XPO4: variants seen among roughly 807,000 people sequenced by gnomAD.
XPO4 encodes exportin 4, also known as exportin-4.
A neutral mutation model predicts 143.0 loss-of-function variants in XPO4; 39 were observed. The observed-to-expected ratio is 0.27, with a 90% confidence interval of 0.21 to 0.36. XPO4 has a LOEUF of 0.36. Ranked by LOEUF, XPO4 falls within the 10% of genes least tolerant of loss-of-function variation. The pLI, the probability that XPO4 is intolerant of heterozygous loss-of-function variation, is 1.00. For missense variants in XPO4, 907 were observed against 1,348.0 expected (o/e 0.67, Z 5.12); for synonymous variants, 439 against 474.0 (o/e 0.93, Z 0.96).
chr13:20,846,677 T>C (rs544718847), intron 4 of XPO4, among the ~76,000 whole-genome samples: 1 of 152,278 alleles, frequency 6.6e-6, no homozygotes, highest in Admixed American at 6.5e-5. Flanking sequence ...CTAGAAATCG[T>C]AGAAAAGCAC....
chr13:20,863,553 A>G (rs1302576708), intron 2 of XPO4, among the ~76,000 whole-genome samples: 1 of 152,224 alleles, frequency 6.6e-6, no homozygotes, highest in African/African-American at 2.4e-5. Flanking sequence ...GGGGAGAAAA[A>G]ATAGAAAATT....
intron 12 of XPO4, 57 bp from the exon 13 acceptor site, chr13:20,807,691 G>T: frequency 7.6e-7 from 1 of 1,321,428 alleles, no homozygotes; most frequent in Non-Finnish European, 1.0e-6. Flanking sequence ...TTATCAAATT[G>T]TACTATAAAT....
intron 1 of XPO4, among the ~76,000 whole-genome samples, chr13:20,886,493 T>C (rs1183977882): frequency 6.6e-6 from 1 of 151,980 alleles, no homozygotes; most frequent in African/African-American, 2.4e-5. Flanking sequence ...ATGCCTGTAA[T>C]CCCAGTTACT....
At chr13:20,798,648 G>A (rs2059389316) in intron 16 of XPO4, among the ~76,000 whole-genome samples, 1 of 152,114 alleles carries the variant, frequency 6.6e-6, no homozygotes, top group Non-Finnish European at 1.5e-5. Flanking sequence ...ACACAGGCAG[G>A]TACAGAAAAA....
chr13:20,844,549 T>G (rs796612116), intron 4 of XPO4, among the ~76,000 whole-genome samples: 50 of 152,310 alleles, frequency 3.3e-4, no homozygotes, highest in African/African-American at 1.2e-3. Flanking sequence ...TTGGCAACTT[T>G]CCAGGAGTTA....
intron 11 of XPO4, 89 bp downstream of exon 11, chr13:20,808,994 G>T: frequency 6.9e-7 from 1 of 1,443,678 alleles, no homozygotes; most frequent in Admixed American, 2.1e-5. Flanking sequence ...GGGTGGGGGT[G>T]TTTAAAGTCT....
At chr13:20,785,976 GAGGAAGGAAGGA>G (rs57331137) in intron 22 of XPO4, among the ~76,000 whole-genome samples, 345 of 142,032 alleles carry the variant, frequency 2.4e-3, no homozygotes, top group South Asian at 0.014. Context: ...AAGAAAAAGA[GAGGAAGGAAGGA>G]AGGAAGGAAG....
chr13:20,850,253 TACTAG>T, intron 4 of XPO4: 6 of 984,444 alleles, frequency 6.1e-6, no homozygotes, highest in Non-Finnish European at 7.2e-6. Flanking sequence ...AGTGAGAGAC[TACTAG>T]GGAGACGGCA....
intron 19 of XPO4, 98 bp from the exon 20 acceptor site, chr13:20,788,714 T>C (rs2059239525): frequency 1.7e-6 from 2 of 1,183,384 alleles, no homozygotes; most frequent in Admixed American, 2.7e-5. Context: ...CTTCTAAATA[T>C]AATGATTTCT....
At chr13:20,836,180 T>C (rs1322378356) in intron 6 of XPO4, among the ~76,000 whole-genome samples, 1 of 152,156 alleles carries the variant, frequency 6.6e-6, no homozygotes, top group East Asian at 1.9e-4. Context: ...CAATTGTACT[T>C]CACTCTATAC....
intron 1 of XPO4, among the ~76,000 whole-genome samples, chr13:20,899,562 C>G (rs1037027404): frequency 6.6e-6 from 1 of 152,104 alleles, no homozygotes; most frequent in African/African-American, 2.4e-5. Flanking sequence ...GATAAAAGCT[C>G]TAGACCCTAT....
chr13:20,868,183 C>A (rs9506563), intron 2 of XPO4, among the ~76,000 whole-genome samples: 53,507 of 147,330 alleles, frequency 0.36, 10,754 homozygotes, highest in Non-Finnish European at 0.47. Flanking sequence ...AAAAAAAAAA[C>A]TATGGAAAAC....
chr13:20,863,775 T>A (rs1195710844), intron 2 of XPO4, among the ~76,000 whole-genome samples: 1 of 152,152 alleles, frequency 6.6e-6, no homozygotes, highest in East Asian at 1.9e-4. Context: ...TTTGCCAAGA[T>A]CACTGGACAT....
At chr13:20,862,453 AAACTT>A (rs1283051891) in intron 3 of XPO4, among the ~76,000 whole-genome samples, 2 of 152,196 alleles carry the variant, frequency 1.3e-5, no homozygotes, top group African/African-American at 4.8e-5. Context: ...GCCCCACACA[AAACTT>A]AACCTTAAAC....
chr13:20,852,790 T>C (rs528001575), intron 4 of XPO4: 1 of 985,038 alleles, frequency 1.0e-6, no homozygotes, highest in African/African-American at 1.7e-5. Flanking sequence ...CTGAGAGCCT[T>C]TTCACTTTTT....
At chr13:20,859,001 T>C (rs551019419) in intron 3 of XPO4, among the ~76,000 whole-genome samples, 1 of 151,820 alleles carries the variant, frequency 6.6e-6, no homozygotes, top group Admixed American at 6.6e-5. Context: ...TCAAACTAAT[T>C]ACTTTAGCTT....
chr13:20,789,335 A>G (rs1206995236), intron 19 of XPO4, among the ~76,000 whole-genome samples: 1 of 152,074 alleles, frequency 6.6e-6, no homozygotes, highest in East Asian at 1.9e-4. Flanking sequence ...CTATGCTGGC[A>G]ATCAAACAGG....
At chr13:20,893,129 G>T (rs955082235) in intron 1 of XPO4, among the ~76,000 whole-genome samples, 1 of 152,150 alleles carries the variant, frequency 6.6e-6, no homozygotes, top group African/African-American at 2.4e-5. Flanking sequence ...GAGAAAAAGC[G>T]ACTGGAAAAG....
intron 1 of XPO4, among the ~76,000 whole-genome samples, chr13:20,893,535 C>T (rs914622789): frequency 6.6e-5 from 10 of 152,020 alleles, no homozygotes; most frequent in East Asian, 3.9e-4. Flanking sequence ...GTCAGGAGTT[C>T]GAGACCAGTC....
Sources: gnomAD v4.1 joint callset for allele counts (sites outside exome capture counted in the v4.1 genomes callset) on GRCh38, gnomAD v4.1.1 for gene constraint, MANE v1.5 for transcripts, NCBI Gene and HGNC (gene_info 2026-07-23, HGNC 2026-07-21) for gene names.